DOCK1: variants seen among roughly 807,000 people sequenced by gnomAD.
The protein encoded by DOCK1 is dedicator of cytokinesis protein 1.
Under a neutral mutation model 262.7 loss-of-function variants are expected in DOCK1, and 138 were observed. That is an observed-to-expected ratio of 0.53 (90% CI 0.46 to 0.61). The LOEUF (loss-of-function observed/expected upper bound fraction) is 0.61. Among genes scored for constraint, DOCK1 ranks in the 20% least tolerant of loss-of-function variants. DOCK1 has a pLI of 0.00. For missense variants in DOCK1, 1,908 were observed against 2,370.7 expected, an observed-to-expected ratio of 0.80 and a Z score of 4.05; for synonymous variants, 866 against 867.4, an observed-to-expected ratio of 1.00 and a Z score of 0.03.
chr10:127,038,802 A>G (rs2043828742), intron 19 of DOCK1, among the ~76,000 whole-genome samples: 1 of 152,142 alleles, frequency 6.6e-6, no homozygotes, highest in South Asian at 2.1e-4. Flanking sequence ...TGTGGTTCTG[A>G]TGTTTTCTGC....
chr10:127,331,759 G>C (rs2766064), intron 29 of DOCK1, among the ~76,000 whole-genome samples: 104,048 of 152,132 alleles, frequency 0.68, 37,120 homozygotes, highest in African/African-American at 0.89. Flanking sequence ...TCACAGTTGC[G>C]AAAAGGTAGA....
chr10:126,971,973 A>G (rs1485150135), intron 2 of DOCK1, among the ~76,000 whole-genome samples: 2 of 151,966 alleles, frequency 1.3e-5, no homozygotes, highest in Non-Finnish European at 2.9e-5. Context: ...CTGGAGTGCA[A>G]TGGCGCGATT....
chr10:127,127,424 A>G (rs2050031537), intron 26 of DOCK1, among the ~76,000 whole-genome samples: 1 of 152,206 alleles, frequency 6.6e-6, no homozygotes, highest in Admixed American at 6.5e-5. Context: ...TTTTATTTTT[A>G]AGGTTTGCTT....
intron 27 of DOCK1, among the ~76,000 whole-genome samples, chr10:127,174,964 C>T (rs2054941828): frequency 6.6e-6 from 1 of 152,164 alleles, no homozygotes; most frequent in Non-Finnish European, 1.5e-5. Context: ...TCATTCTAAG[C>T]ATAGGTATGG....
intron 27 of DOCK1, among the ~76,000 whole-genome samples, chr10:127,213,555 GA>G (rs1186130880): frequency 1.3e-5 from 2 of 152,206 alleles, no homozygotes; most frequent in African/African-American, 4.8e-5. Context: ...TGAACAGAAT[GA>G]AAAATGTTTC....
chr10:127,416,147 G>A (rs796381257), intron 44 of DOCK1, among the ~76,000 whole-genome samples: 38 of 152,222 alleles, frequency 2.5e-4, no homozygotes, highest in African/African-American at 8.7e-4. Flanking sequence ...GAGGTTGCCC[G>A]CAGTCAGAGC....
At chr10:127,031,219 C>T (rs1045926965) in intron 16 of DOCK1, among the ~76,000 whole-genome samples, 25 of 152,182 alleles carry the variant, frequency 1.6e-4, no homozygotes, top group African/African-American at 6.0e-4. Flanking sequence ...TGTTTCCAGG[C>T]CCTGTTGATT....
chr10:127,018,655 C>T, intron 12 of DOCK1, 55 bp from the exon 13 acceptor site: 5 of 1,610,660 alleles, frequency 3.1e-6, no homozygotes, highest in Non-Finnish European at 4.2e-6. Flanking sequence ...TTCGTGAAAA[C>T]TTCTAAAAAT....
At chr10:126,985,186 G>T (rs1211240518) in intron 4 of DOCK1, among the ~76,000 whole-genome samples, 2 of 151,904 alleles carry the variant, frequency 1.3e-5, no homozygotes, top group African/African-American at 4.8e-5. Context: ...TCACCACGTT[G>T]GCCAAGCTGG....
intron 29 of DOCK1, among the ~76,000 whole-genome samples, chr10:127,300,192 C>T (rs957349613): frequency 2.0e-5 from 3 of 152,154 alleles, no homozygotes; most frequent in Non-Finnish European, 4.4e-5. Flanking sequence ...CTGGAGTCCT[C>T]ACCTGAACTC....
intron 1 of DOCK1, among the ~76,000 whole-genome samples, chr10:126,913,508 T>C (rs1467785425): frequency 6.6e-6 from 1 of 152,202 alleles, no homozygotes; most frequent in African/African-American, 2.4e-5. Flanking sequence ...CTCCGTGGCC[T>C]TGGGCCGTCA....
chr10:127,232,432 C>T (rs565503050), intron 27 of DOCK1, among the ~76,000 whole-genome samples: 9 of 152,116 alleles, frequency 5.9e-5, no homozygotes, highest in Non-Finnish European at 1.0e-4. Context: ...AGGCAGAGTC[C>T]GGGAGGTGAT....
At chr10:127,282,638 C>A (rs1393610059) in intron 29 of DOCK1, among the ~76,000 whole-genome samples, 2 of 152,206 alleles carry the variant, frequency 1.3e-5, no homozygotes, top group Admixed American at 1.3e-4. Flanking sequence ...ACAGCACACA[C>A]CCGCCTCTCC....
chr10:126,949,782 T>C (rs1426463496), intron 1 of DOCK1, among the ~76,000 whole-genome samples: 2 of 152,120 alleles, frequency 1.3e-5, no homozygotes, highest in African/African-American at 2.4e-5. Flanking sequence ...TTGGGTGATA[T>C]TTCTTGTGAC....
At chr10:127,196,193 C>A (rs1437759920) in intron 27 of DOCK1, 1 of 150,026 alleles carries the variant, frequency 6.7e-6, no homozygotes, top group African/African-American at 2.4e-5. Flanking sequence ...CCCCCTCCAC[C>A]GCTGCCGGCC....
rs555170194 is a variant in DOCK1, at chr10:127,078,774, A to T, written c.2445+16998A>T. 8.1e-4 allele frequency among the ~76,000 whole-genome samples: 124 copies of T among 152,326 alleles called. No homozygotes were observed. In the Middle Eastern group the frequency reaches 0.01, roughly 13 times the overall value. ...CCATAAAAAGGAATGAATTAAGGGCATTTACAGCAACCTGGATGGAGTTGG... is the reference window on the plus strand; with the variant it reads ...CCATAAAAAGGAATGAATTAAGGGCTTTTACAGCAACCTGGATGGAGTTGG... On this transcript the variant is annotated intron_variant, in intron 23 of 51. Coordinates refer to ENST00000623213, the MANE Select transcript of DOCK1 (RefSeq NM_001290223.2).
chr10:127,280,912 G>A (rs887713038), intron 29 of DOCK1, among the ~76,000 whole-genome samples: 6 of 152,126 alleles, frequency 3.9e-5, no homozygotes, highest in African/African-American at 4.8e-5. Context: ...TGAAGATCAC[G>A]TCAGCCCATG....
rs1297895439 is a variant in DOCK1, at chr10:127,220,355, A to G, written c.2848-27653A>G. On this transcript the variant is annotated intron_variant, in intron 27 of 51. Transcript: ENST00000623213. Reference sequence around the variant, plus strand: ...GAACAGAGAACCAGGAGGCCCAGGGACGTGTGTGTTGCAGCAGCTTTGAGT... The same window carrying G: ...GAACAGAGAACCAGGAGGCCCAGGGGCGTGTGTGTTGCAGCAGCTTTGAGT... Among the ~76,000 whole-genome samples, 3 of 152,142 alleles carry G rather than the reference A, an allele frequency of 2.0e-5. No homozygotes were observed. The East Asian group carries it at 5.8e-4, about 29-fold the overall frequency.
In DOCK1 at chr10:127,254,994, C is replaced by T. The variant is rs898112151; in HGVS notation, c.2950-2341C>T. On this transcript the variant is annotated intron_variant, in intron 28 of 51. Coordinates refer to ENST00000623213, the MANE Select transcript of DOCK1 (RefSeq NM_001290223.2). ...GCTGTTTTATTCTAGTGGGTGGGCA[C>T]AGGGATGGAAAGGTGCAGACAGAGG... Among the ~76,000 whole-genome samples, 13 of 152,118 alleles carry T rather than the reference C, an allele frequency of 8.5e-5. No individual in the cohort carries two copies. In the East Asian group the frequency reaches 9.6e-4, roughly 11 times the overall value.
Sources: gnomAD v4.1 joint callset for allele counts (sites outside exome capture counted in the v4.1 genomes callset) on GRCh38, gnomAD v4.1.1 for gene constraint, MANE v1.5 for transcripts, NCBI Gene and HGNC (gene_info 2026-07-23, HGNC 2026-07-21) for gene names.